Variants in AKAP6 observed in about 807,000 individuals in gnomAD.
AKAP6 encodes A-kinase anchoring protein 6.
A neutral mutation model predicts 188.5 loss-of-function variants in AKAP6; 58 were observed. The ratio of observed to expected loss-of-function variants is 0.31; its 90% confidence interval spans 0.25 to 0.38. The LOEUF (loss-of-function observed/expected upper bound fraction) is 0.38. Among genes scored for constraint, AKAP6 ranks in the 10% least tolerant of loss-of-function variants. AKAP6 has a pLI of 1.00. For missense variants in AKAP6, 2,710 were observed against 2,740.0 expected (o/e 0.99, Z 0.24); for synonymous variants, 989 against 998.6 (o/e 0.99, Z 0.18).
intron 12 of AKAP6, among the ~76,000 whole-genome samples, chr14:32,785,974 T>C (rs2033388168): frequency 6.6e-6 from 1 of 152,212 alleles, no homozygotes; most frequent in African/African-American, 2.4e-5. Flanking sequence ...GTATTACATT[T>C]ATTGATGATG....
At chr14:32,423,364 G>C (rs1191720125) in intron 1 of AKAP6, among the ~76,000 whole-genome samples, 1 of 151,914 alleles carries the variant, frequency 6.6e-6, no homozygotes, top group Non-Finnish European at 1.5e-5. Flanking sequence ...TGTGTGTGTG[G>C]AGATGGGGTT....
chr14:32,596,173 G>A (rs1885694903), intron 5 of AKAP6, among the ~76,000 whole-genome samples: 1 of 152,084 alleles, frequency 6.6e-6, no homozygotes, highest in Non-Finnish European at 1.5e-5. Context: ...TTTTGAATGT[G>A]CTTATGATCT....
chr14:32,745,895 T>C (rs1594904424), intron 11 of AKAP6, among the ~76,000 whole-genome samples: 1 of 152,250 alleles, frequency 6.6e-6, no homozygotes, highest in South Asian at 2.1e-4. Context: ...GATGCAGTTC[T>C]TCCCACTCTT....
chr14:32,779,251 AATT>A (rs2033163507), intron 12 of AKAP6, among the ~76,000 whole-genome samples: 1 of 151,708 alleles, frequency 6.6e-6, no homozygotes, highest in Admixed American at 6.6e-5. Context: ...AAAAATAAAA[AATT>A]AGCCAGGCAT....
intron 7 of AKAP6, among the ~76,000 whole-genome samples, chr14:32,673,790 A>G (rs896782370): frequency 6.6e-5 from 10 of 152,134 alleles, no homozygotes; most frequent in Non-Finnish European, 1.3e-4. Context: ...CCACTGAGCA[A>G]TTATTTACTG....
intron 9 of AKAP6, among the ~76,000 whole-genome samples, chr14:32,701,647 T>C (rs1308215020): frequency 6.6e-6 from 1 of 152,156 alleles, no homozygotes; most frequent in African/African-American, 2.4e-5. Context: ...TTATAACTAT[T>C]GATATCAAAA....
chr14:32,644,158 TCTA>T (rs1887882610), intron 7 of AKAP6, among the ~76,000 whole-genome samples: 1 of 152,150 alleles, frequency 6.6e-6, no homozygotes, highest in East Asian at 1.9e-4. Flanking sequence ...TGTTTGGTGA[TCTA>T]CTATTTGCCA....
chr14:32,417,745 A>G (rs776713380), intron 1 of AKAP6: 15 of 152,162 alleles, frequency 9.9e-5, no homozygotes, highest in Non-Finnish European at 1.9e-4. Flanking sequence ...CACAGAGAAA[A>G]GTCATATTCT....
Position 32,833,542 on chromosome 14 carries a change from A to G in AKAP6, c.*3737A>G, listed in dbSNP as rs1566747031. The G allele has an allele frequency of 6.6e-6, 1 of 152,202 alleles. No homozygotes were observed. The highest frequency in any genetic ancestry group is 1.5e-5 in the Non-Finnish European group (1 of 68,034). 9.4% of individuals were successfully genotyped at this position (152,202 alleles called of 1,614,324 possible). A position where few individuals can be genotyped will look rare whatever the true frequency, so the allele number is the denominator to read the frequency against. On this transcript the variant is annotated 3_prime_UTR_variant, in exon 14 of 14. Coordinates refer to ENST00000280979, the MANE Select transcript of AKAP6 (RefSeq NM_004274.5). ...ATATGCATCTTATACAACACAGAAC[A>G]ACCTAAATTTAGGGCTTCTGGAAAC...
At chr14:32,713,635 TAA>T (rs2030015585) in intron 9 of AKAP6, among the ~76,000 whole-genome samples, 1 of 152,064 alleles carries the variant, frequency 6.6e-6, no homozygotes, top group African/African-American at 2.4e-5. Flanking sequence ...TGTCTTTCCT[TAA>T]ACCTCATGAA....
At chr14:32,778,521 T>C (rs1176513185) in intron 12 of AKAP6, among the ~76,000 whole-genome samples, 2 of 152,064 alleles carry the variant, frequency 1.3e-5, no homozygotes, top group East Asian at 3.9e-4. Flanking sequence ...TGTGATAAGA[T>C]AAAATATATG....
chr14:32,365,347 G>T (rs1377410434), intron 1 of AKAP6, among the ~76,000 whole-genome samples: 2 of 151,434 alleles, frequency 1.3e-5, no homozygotes, highest in Non-Finnish European at 2.9e-5. Flanking sequence ...GTGTCTTTAT[G>T]CTGGGTCTCT....
At chr14:32,339,649 A>T (rs1192828121) in intron 1 of AKAP6, among the ~76,000 whole-genome samples, 1 of 152,068 alleles carries the variant, frequency 6.6e-6, no homozygotes, top group Non-Finnish European at 1.5e-5. Context: ...AGATTGATGG[A>T]TTGGTGGAAT....
intron 7 of AKAP6, among the ~76,000 whole-genome samples, chr14:32,653,022 C>G (rs1302736597): frequency 6.6e-6 from 1 of 152,128 alleles, no homozygotes; most frequent in Non-Finnish European, 1.5e-5. Context: ...CACTACACTC[C>G]AGCCTGGGTG....
At chr14:32,744,589 T>C (rs374785001) in intron 11 of AKAP6, among the ~76,000 whole-genome samples, 1 of 152,306 alleles carries the variant, frequency 6.6e-6, no homozygotes, top group African/African-American at 2.4e-5. Context: ...AGTACTGGGA[T>C]TACAGGCATG....
chr14:32,517,155 A>C (rs1881566647), intron 2 of AKAP6, among the ~76,000 whole-genome samples: 1 of 152,236 alleles, frequency 6.6e-6, no homozygotes, highest in Admixed American at 6.5e-5. Flanking sequence ...TTTCCTCGAA[A>C]ACTAGCTAAA....
intron 3 of AKAP6, among the ~76,000 whole-genome samples, chr14:32,541,727 G>T (rs1351398534): frequency 6.6e-6 from 1 of 152,060 alleles, no homozygotes; most frequent in African/African-American, 2.4e-5. Context: ...TTCTGTAAAA[G>T]AATAAGTTCT....
chr14:32,709,012 G>T (rs1342582732), intron 9 of AKAP6, among the ~76,000 whole-genome samples: 2 of 151,994 alleles, frequency 1.3e-5, no homozygotes, highest in Non-Finnish European at 2.9e-5. Context: ...AGTCTCTAGG[G>T]TTAAGCTAAT....
At chr14:32,629,677 ATT>A (rs5807670) in intron 7 of AKAP6, among the ~76,000 whole-genome samples, 2,728 of 141,130 alleles carry the variant, frequency 0.019, 33 homozygotes, top group Non-Finnish European at 0.025. Flanking sequence ...GCATATAAGC[ATT>A]TTTTTTTTTT....
Sources: allele counts gnomAD v4.1 joint callset (sites outside exome capture counted in the v4.1 genomes callset), GRCh38; gene constraint gnomAD v4.1.1; transcripts MANE v1.5; gene names NCBI Gene and HGNC (gene_info 2026-07-23, HGNC 2026-07-21).